The following POLG variants were observed in gnomAD, a reference collection of about 807,000 sequenced individuals.
The protein encoded by POLG is DNA polymerase subunit gamma-1.
A neutral mutation model predicts 155.4 loss-of-function variants in POLG; 110 were observed. That is an observed-to-expected ratio of 0.71 (90% confidence interval 0.61 to 0.83). The LOEUF (loss-of-function observed/expected upper bound fraction) is 0.83, where lower values mean the gene tolerates loss of function less well. Among genes scored for constraint, POLG ranks in the 40% least tolerant of loss-of-function variants. The pLI is 0.00. For missense variants in POLG, 1,685 were observed against 1,627.5 expected, an observed-to-expected ratio of 1.04 and a Z score of -0.61; for synonymous variants, 701 against 631.5, an observed-to-expected ratio of 1.11 and a Z score of -1.65.
rs2055258583 is a variant in POLG at position 89,316,347 on chromosome 15, GC to G, written c.*403del. ...TTTTTTCCTTCTTTTTATTTCCACT[GC>G]CTTGGAGCAGGTTTATCACGTTAGA... On this transcript the variant is annotated 3_prime_UTR_variant, in exon 23 of 23. Coordinates refer to ENST00000268124, the MANE Select transcript of POLG (RefSeq NM_002693.3). 1.3e-6 allele frequency: 2 copies of G among 1,551,028 alleles called. No homozygotes were observed. The highest frequency in any genetic ancestry group is 2.7e-5 in the African/African-American group (2 of 73,274).
chr15:89,326,811 C>A lies in POLG; in HGVS notation c.1586-73G>T, dbSNP rs1362842116. Reference sequence around the variant, plus strand: ...ATAAGATCTGCTCCCACCCGCTCATCTCCAGAAGGCTGGAGCAATCCTTTC... The same window carrying A: ...ATAAGATCTGCTCCCACCCGCTCATATCCAGAAGGCTGGAGCAATCCTTTC... On this transcript the variant is annotated intron_variant, in intron 8 of 22. Transcript: ENST00000268124. 4 of 1,611,184 alleles carry A rather than the reference C, an allele frequency of 2.5e-6. No homozygotes were observed. The African/African-American group carries it at 5.3e-5, about 22-fold the overall frequency.
Position 89,333,579 on chromosome 15 carries a change from GGCTGCTGAGGCTGCTGTT to G in POLG, c.158_175del (p.Gln53_Gln58del). The G allele has an allele frequency of 3.1e-6, 5 of 1,608,170 alleles. No homozygotes were observed. Among genetic ancestry groups the G allele is most frequent in the Non-Finnish European group, 4.2e-6 (5 of 1,178,452 alleles). ...CCCGCCCTCCGAGGATAGCACTTGC[GGCTGCTGAGGCTGCTGTT>G]GCTGCTGCTGCTGCTGCTGCTGCTG... On this transcript the variant is annotated inframe_deletion, in exon 2 of 23. Coordinates refer to ENST00000268124, the MANE Select transcript of POLG (RefSeq NM_002693.3).
rs1015074661 is a variant in POLG at position 89,333,144 on chromosome 15, G to C, written c.611C>G (p.Ala204Gly). 6.5e-7 allele frequency: 1 copy of C among 1,536,126 alleles called. No individual in the cohort carries two copies. The highest frequency in any genetic ancestry group is 8.8e-7 in the Non-Finnish European group (1 of 1,141,262). ...CGCCAATGTGGGGCAAGTTCCCTCT[G>C]CCAAGCAGACCTCCACGTCGAACAC... ...ALVFDVEVCL[A>G]EGTCPTLAVA... Residue 204 changes from alanine to glycine, a missense_variant, in exon 2 of 23, where the codon GCA (alanine) becomes GGA (glycine). Coordinates refer to ENST00000268124, the MANE Select transcript of POLG (RefSeq NM_002693.3).
intron 10 of POLG, among the ~76,000 whole-genome samples, chr15:89,325,135 T>A (rs1433200359): frequency 4.9e-3 from 147 of 30,246 alleles, no homozygotes; most frequent in East Asian, 0.021. Context: ...AGTGAGAGAG[T>A]GAGTGAGAGA....
In POLG at chr15:89,325,454, A is replaced by C. The variant is rs778936728; in HGVS notation, c.1945T>G (p.Tyr649Asp). 5.0e-6 allele frequency: 8 copies of C among 1,598,472 alleles called. No individual in the cohort carries two copies. The highest frequency in any genetic ancestry group is 1.3e-5 in the African/African-American group (1 of 74,922). Residue 649 changes from tyrosine (Y) to aspartate (D), a missense_variant, in exon 10 of 23, where the codon TAC becomes GAC. Around this residue, in one of 3 missense-constraint regions of POLG, gnomAD observed 1,210 missense variants for 1,167.1 expected, o/e 1.04. Coordinates refer to ENST00000268124, the MANE Select transcript of POLG (RefSeq NM_002693.3). ...TCCCCTGGGCCTAAGCCTTACCTGT[A>C]GGGGCAGACCACCCCAGCTGACTCC... is the stretch of plus-strand genomic sequence containing the variant. ...TLESAGVVCP[Y>D]RAIESLYRKH... is the part of the protein sequence containing the mutation.
chr15:89,330,944 G>A lies in POLG; in HGVS notation c.660-668C>T, dbSNP rs555533694. On this transcript the variant is annotated intron_variant, in intron 2 of 22. Transcript: ENST00000268124. Reference sequence around the variant, plus strand: ...TAGGGGATGAGTGCTGCCTGTTGGGGGCCCGACACTGATTCAGGAAAAGGC... The same window carrying A: ...TAGGGGATGAGTGCTGCCTGTTGGGAGCCCGACACTGATTCAGGAAAAGGC... Among the ~76,000 whole-genome samples the A allele has an allele frequency of 4.7e-4, 71 of 152,254 alleles. 1 individual carries two copies. Among genetic ancestry groups the A allele is most frequent in the African/African-American group, 1.3e-3 (56 of 41,522 alleles).
chr15:89,317,288 G>A (rs1337602131), intron 22 of POLG, 88 bp downstream of exon 22: 10 of 1,325,692 alleles, frequency 7.5e-6, no homozygotes, highest in African/African-American at 1.4e-5. Context: ...TGGATTCTCT[G>A]GGGCCCCAAG....
Position 89,333,081 on chromosome 15 carries a change from C to G in POLG, c.659+15G>C. 3 of 1,510,106 alleles carry G rather than the reference C, an allele frequency of 2.0e-6. No homozygotes were observed. Among genetic ancestry groups the G allele is most frequent in the Non-Finnish European group, 2.7e-6 (3 of 1,129,656 alleles). The allele number at this position is 1,510,106 out of a possible 1,614,324, so 93.5% of individuals were successfully genotyped here. The stretch of plus-strand genomic sequence containing the variant: ...CCCCATGCCTGCTTATGTCCCCAAC[C>G]CTGCCCCTACTTACCAGGCCGAGGG... On this transcript the variant is annotated intron_variant, in intron 2 of 22. Coordinates refer to ENST00000268124, the MANE Select transcript of POLG (RefSeq NM_002693.3).
At chr15:89,333,990 C>T (rs2055636192) in intron 1 of POLG, 77 bp from the exon 2 acceptor site, 6 of 585,096 alleles carry the variant, frequency 1.0e-5, no homozygotes, top group Non-Finnish European at 1.2e-5. Flanking sequence ...ATTCCTTGAG[C>T]ATTTACTGCG....
intron 2 of POLG, 109 bp from the exon 3 acceptor site, chr15:89,330,385 G>A (rs1275460640): frequency 8.0e-6 from 7 of 877,958 alleles, no homozygotes; most frequent in African/African-American, 5.0e-5. Context: ...TTGGCAGCTG[G>A]GGACACAAGT....
Position 89,327,173 on chromosome 15 carries a change from C to T in POLG, c.1427G>A (p.Gly476Glu). 1 of 1,614,252 alleles carries T rather than the reference C, an allele frequency of 6.2e-7. No individual in the cohort carries two copies. The highest frequency in any genetic ancestry group is 8.5e-7 in the Non-Finnish European group (1 of 1,180,044). ...LANDACQLLS[G>E]ERYKEDPWLW... Reference sequence around the variant, plus strand: ...CCACCCAAGGCCTGGCTACCTCTCTCCTGAGAGCAGCTGGCAGGCATCATT... The same window carrying T: ...CCACCCAAGGCCTGGCTACCTCTCTTCTGAGAGCAGCTGGCAGGCATCATT... The change falls in exon 7 of 23, where the codon GGA (glycine) becomes GAA (glutamate). Residue 476 changes from glycine (G) to glutamate (E), a missense_variant. Physicochemically the swap from Gly to Glu is moderately conservative, Grantham distance 98 (BLOSUM62 -2). Transcript: ENST00000268124.
At chr15:89,317,589 C>T (rs925514535) in intron 21 of POLG, 53 bp from the exon 22 acceptor site, 36 of 1,563,356 alleles carry the variant, frequency 2.3e-5, no homozygotes, top group Non-Finnish European at 2.9e-5. Context: ...TGAACAGATG[C>T]ATCACTCCTG....
chr15:89,333,446 G>T lies in POLG; in HGVS notation c.309C>A (p.Ser103Arg). 1 of 1,610,116 alleles carries T rather than the reference G, an allele frequency of 6.2e-7. No homozygotes were observed. Residue 103 changes from serine (S) to arginine (R), a missense_variant, in exon 2 of 23, where the codon AGC becomes AGA. Around this residue, in one of 3 missense-constraint regions of POLG, gnomAD observed 1,210 missense variants for 1,167.1 expected, o/e 1.04. Transcript: ENST00000268124. ...EMPGEAAVRR[S>R]VEHLQKHGLW... ...GCCCGTGCTTCTGCAGGTGCTCGAC[G>T]CTGCGGCGCACCGCGGCCTCGCCAG...
rs1321405180 is a variant in POLG at position 89,333,667 on chromosome 15, C to T, written c.88G>A (p.Val30Ile). The T allele has an allele frequency of 8.3e-6, 13 of 1,560,556 alleles. No homozygotes were observed. The highest frequency in any genetic ancestry group is 1.1e-5 in the Non-Finnish European group (13 of 1,158,326). ...CCGTCGCTGGGGTCGGACGCGGGGACGGAGCTGGAGACCCAGCGCCCCGGA... is the reference window on the plus strand; with the variant it reads ...CCGTCGCTGGGGTCGGACGCGGGGATGGAGCTGGAGACCCAGCGCCCCGGA... ...PAPGRWVSSS[V>I]PASDPSDGQR... is the part of the protein sequence containing the mutation. The change falls in exon 2 of 23, where the codon GTC becomes ATC. Residue 30 changes from valine to isoleucine, a missense_variant. Around this residue, in one of 3 missense-constraint regions of POLG, gnomAD observed 1,210 missense variants for 1,167.1 expected, o/e 1.04. Transcript: ENST00000268124.
intron 13 of POLG, 95 bp from the exon 14 acceptor site, chr15:89,322,997 C>G: frequency 7.9e-7 from 1 of 1,272,988 alleles, no homozygotes. Flanking sequence ...AACACTGAGC[C>G]CAGAACCTCA....
At chr15:89,326,439 C>T (rs1025125035) in intron 9 of POLG, among the ~76,000 whole-genome samples, 173 bp downstream of exon 9, 2 of 152,196 alleles carry the variant, frequency 1.3e-5, no homozygotes, top group African/African-American at 4.8e-5. Context: ...TCCAGTGAGC[C>T]GGTCCAGAGT....
rs150929445 is a variant in POLG, at chr15:89,325,647, T to C, written c.1752A>G (p.Ala584=). ...TGAGGAGGCTGGGGCCCGGGGTCCA[T>C]GCAGGGTCGTCTAGCCGGGGGCAGA... is the stretch of plus-strand genomic sequence containing the variant. ...RKLCPRLDDP[A]WTPGPSLLSL... Residue 584 remains alanine (A), a synonymous_variant, in exon 10 of 23, where the codon GCA becomes GCG. Coordinates refer to ENST00000268124, the MANE Select transcript of POLG (RefSeq NM_002693.3). 5.0e-6 allele frequency: 8 copies of C among 1,611,852 alleles called. No homozygotes were observed. The highest frequency in any genetic ancestry group is 1.6e-4 in the Middle Eastern group (1 of 6,084).
At chr15:89,325,065 T>TGAGTGAGAGAGAGAGAGA (rs2055459610) in intron 10 of POLG, among the ~76,000 whole-genome samples, 2 of 87,920 alleles carry the variant, frequency 2.3e-5, no homozygotes, top group African/African-American at 1.1e-4. Context: ...AGAGAGTGAG[T>TGAGTGAGAGAGAGAGAGA]GAGTGAGTGA....
chr15:89,318,426 C>T, intron 21 of POLG, 115 bp downstream of exon 21: 2 of 752,362 alleles, frequency 2.7e-6, no homozygotes, highest in Non-Finnish European at 4.5e-6. Flanking sequence ...TAAGCTGAAA[C>T]ATTCACTTCT....
Sources: gnomAD v4.1 joint callset for allele counts (sites outside exome capture counted in the v4.1 genomes callset) on GRCh38, gnomAD v4.1.1 for gene constraint, gnomAD v4.1.1 regional missense constraint, MANE v1.5 for transcripts, NCBI Gene and HGNC (gene_info 2026-07-23, HGNC 2026-07-21) for gene names.